The following ZER1 variants were observed in gnomAD, a reference collection of about 807,000 sequenced individuals.
ZER1 encodes the protein zyg-11 related cell cycle regulator, also known as protein zer-1 homolog.
Under a neutral mutation model 78.8 loss-of-function variants are expected in ZER1, and 11 were observed. The observed-to-expected ratio is 0.14, with a 90% confidence interval of 0.09 to 0.23. The LOEUF (loss-of-function observed/expected upper bound fraction) is 0.23, where lower values mean the gene tolerates loss of function less well. Ranked by LOEUF, ZER1 falls within the 10% of genes least tolerant of loss-of-function variation. The pLI is 1.00. For synonymous variants in ZER1, 400 were observed against 407.0 expected (o/e 0.98, Z 0.21); for missense variants, 588 against 996.9 (o/e 0.59, Z 5.52).
chr9:128,734,144 A>AAAAATATATATATATATATATAC lies in ZER1; in HGVS notation c.2141-617_2141-616insGTATATATATATATATATATTTT. Reference sequence around the variant, plus strand: ...CTCCGTCTCAAAAAAAAAAAAAAAAAATATATATATATATATATAAAATCT... The same window carrying AAAAATATATATATATATATATAC: ...CTCCGTCTCAAAAAAAAAAAAAAAAAAAAATATATATATATATATATACATATATATATATATATATAAAATCT... On this transcript the variant is annotated intron_variant, in intron 14 of 15. Transcript: ENST00000291900. Among the ~76,000 whole-genome samples, 3 of 14,442 alleles carry AAAAATATATATATATATATATAC rather than the reference A, an allele frequency of 2.1e-4. 1 individual carries two copies. The East Asian group carries it at 0.012, about 58-fold the overall frequency. The allele number at this position is 14,442 out of a possible 152,430, so 9.5% of individuals were successfully genotyped here.
chr9:128,737,004 C>T (rs926028632), intron 13 of ZER1, among the ~76,000 whole-genome samples: 5 of 151,922 alleles, frequency 3.3e-5, no homozygotes, highest in African/African-American at 1.2e-4. Context: ...ATTAGTTGAG[C>T]ATGGTAACGT....
chr9:128,762,285 CTG>C (rs1864076738), intron 1 of ZER1, among the ~76,000 whole-genome samples: 1 of 152,158 alleles, frequency 6.6e-6, no homozygotes, highest in Non-Finnish European at 1.5e-5. Flanking sequence ...GAGCCTCCCT[CTG>C]TGCCCATTTG....
In ZER1 at chr9:128,754,517, G is replaced by A. The variant is rs139297824; in HGVS notation, c.159-558C>T. Among the ~76,000 whole-genome samples, 106 of 152,212 alleles carry A rather than the reference G, an allele frequency of 7.0e-4. No homozygotes were observed. Among genetic ancestry groups the A allele is most frequent in the African/African-American group, 2.3e-3 (97 of 41,546 alleles). ...AGTAAATGAACTTTCCCAGACCTCA[G>A]TTTCTTCATCTGTAAAGTGGATATA... On this transcript the variant is annotated intron_variant, in intron 2 of 15. Transcript: ENST00000291900. This position sits in a 1 kb window ranked among gnomAD's most constrained non-coding sequence, Gnocchi z 4.3.
intron 10 of ZER1, 46 bp downstream of exon 10, chr9:128,741,754 G>A: frequency 6.2e-7 from 1 of 1,614,134 alleles, no homozygotes; most frequent in Middle Eastern, 1.7e-4. Flanking sequence ...CAGGCCCCTT[G>A]CGAGGTGGGG....
chr9:128,751,028 G>A lies in ZER1; in HGVS notation c.1185+94C>T. On this transcript the variant is annotated intron_variant, in intron 7 of 15. Transcript: ENST00000291900. This position sits in a 1 kb window ranked among gnomAD's most constrained non-coding sequence, Gnocchi z 5.4. ...CCTGGGGCCCTGGGGACAGGGTGCAGAAGGACACAGGCTCTGGGGACACGG... is the reference window on the plus strand; with the variant it reads ...CCTGGGGCCCTGGGGACAGGGTGCAAAAGGACACAGGCTCTGGGGACACGG... 6.7e-7 allele frequency: 1 copy of A among 1,492,992 alleles called. No homozygotes were observed. Among genetic ancestry groups the A allele is most frequent in the Non-Finnish European group, 8.9e-7 (1 of 1,122,590 alleles). 92.5% of individuals were successfully genotyped at this position (1,492,992 alleles called of 1,614,324 possible). A position where few individuals can be genotyped will look rare whatever the true frequency, so the allele number is the denominator to read the frequency against.
intron 8 of ZER1, among the ~76,000 whole-genome samples, chr9:128,743,419 TTTTA>T (rs888272074): frequency 3.9e-5 from 6 of 152,010 alleles, no homozygotes; most frequent in African/African-American, 1.4e-4. Context: ...CCCAGCCTTC[TTTTA>T]TTTATTTATT....
At chr9:128,734,344 G>A (rs764704231) in intron 14 of ZER1, among the ~76,000 whole-genome samples, 5 of 148,816 alleles carry the variant, frequency 3.4e-5, no homozygotes, top group Admixed American at 6.8e-5. Context: ...CTACAGGCAC[G>A]TGCCATCAAG....
intron 1 of ZER1, among the ~76,000 whole-genome samples, chr9:128,759,148 C>T (rs943601319): frequency 6.6e-6 from 1 of 151,830 alleles, no homozygotes; most frequent in African/African-American, 2.4e-5. Flanking sequence ...AGGCATGGGC[C>T]ACCGCGCCCA....
At position 128,734,493 on chromosome 9, in the gene ZER1, G is replaced by A. The variant is rs986474758; in HGVS notation, c.2140+841C>T. ...ATTACAGGCATGAGCCACTGCACCCGGACTAATTTTTTTTTTTTTAAGTAG... is the reference window on the plus strand; with the variant it reads ...ATTACAGGCATGAGCCACTGCACCCAGACTAATTTTTTTTTTTTTAAGTAG... On this transcript the variant is annotated intron_variant, in intron 14 of 15. Coordinates refer to ENST00000291900, the MANE Select transcript of ZER1 (RefSeq NM_006336.4). Among the ~76,000 whole-genome samples the A allele has an allele frequency of 5.9e-5, 9 of 151,428 alleles. No homozygotes were observed. The Middle Eastern group carries it at 0.01, about 172-fold the overall frequency.
At chr9:128,767,675 G>C (rs142033229) in intron 1 of ZER1, among the ~76,000 whole-genome samples, 1 of 152,288 alleles carries the variant, frequency 6.6e-6, no homozygotes, top group African/African-American at 2.4e-5. Context: ...CGAGCCCCTT[G>C]CCATTATGCT....
Position 128,735,779 on chromosome 9 carries a change from T to G in ZER1, c.2043-348A>C, listed in dbSNP as rs1210814351. ...TGACCTGGTTTTTTTTTTTTTTTTT[T>G]TTTTTTTTTTTTTTGTGAGACGGAG... On this transcript the variant is annotated intron_variant, in intron 13 of 15. Coordinates refer to ENST00000291900, the MANE Select transcript of ZER1 (RefSeq NM_006336.4). Among the ~76,000 whole-genome samples, 23 of 136,260 alleles carry G rather than the reference T, an allele frequency of 1.7e-4. 1 individual carries two copies. The highest frequency in any genetic ancestry group is 1.3e-3 in the South Asian group (5 of 3,974). 89.4% of individuals were successfully genotyped at this position (136,260 alleles called of 152,430 possible).
intron 1 of ZER1, among the ~76,000 whole-genome samples, chr9:128,766,524 T>C (rs916927996): frequency 2.6e-5 from 4 of 152,036 alleles, no homozygotes; most frequent in African/African-American, 9.7e-5. Context: ...CAGACAGATA[T>C]GTACACAGGT....
intron 1 of ZER1, among the ~76,000 whole-genome samples, chr9:128,756,359 T>C (rs1001065970): frequency 1.3e-5 from 2 of 152,058 alleles, no homozygotes; most frequent in Non-Finnish European, 2.9e-5. Context: ...GGCAGGAGAA[T>C]GGCGGAGTGC....
At chr9:128,763,299 G>A (rs578036961) in intron 1 of ZER1, among the ~76,000 whole-genome samples, 105 of 152,178 alleles carry the variant, frequency 6.9e-4, no homozygotes, top group Non-Finnish European at 1.3e-3. Context: ...GGGAAGCCAT[G>A]CTTAACCCAC....
rs1161747481 is a variant in ZER1 at position 128,754,555 on chromosome 9, A to G, written c.159-596T>C. On this transcript the variant is annotated intron_variant, in intron 2 of 15. Transcript: ENST00000291900. The surrounding 1 kb of genome is among the most constrained non-coding windows in gnomAD (Gnocchi z 4.3). ...TAAAGTGGATATAACTATGGCCTGC[A>G]AAGTGTCCAACCTAAAGCCTGACCC... is the stretch of plus-strand genomic sequence containing the variant. Among the ~76,000 whole-genome samples, 1 of 152,196 alleles carries G rather than the reference A, an allele frequency of 6.6e-6. No individual in the cohort carries two copies. The highest frequency in any genetic ancestry group is 1.9e-4 in the East Asian group (1 of 5,198).
At position 128,731,068 on chromosome 9, in the gene ZER1, A is replaced by G. The variant is rs560465317; in HGVS notation, c.*269T>C. The G allele has an allele frequency of 4.4e-4, 76 of 172,486 alleles. No homozygotes were observed. The highest frequency in any genetic ancestry group is 2.2e-3 in the South Asian group (11 of 5,074). The allele number at this position is 172,486 out of a possible 1,614,324, so 10.7% of individuals were successfully genotyped here. On this transcript the variant is annotated 3_prime_UTR_variant, in exon 16 of 16. Coordinates refer to ENST00000291900, the MANE Select transcript of ZER1 (RefSeq NM_006336.4). ...GAGTGGGTTTGAGAATGGCCAAGGA[A>G]GCTGCAAGGACTCAGGAGTGTTGCT...
chr9:128,761,249 C>T (rs954424427), intron 1 of ZER1, among the ~76,000 whole-genome samples: 6 of 152,024 alleles, frequency 3.9e-5, no homozygotes, highest in African/African-American at 1.2e-4. Flanking sequence ...TGCTTAGTCC[C>T]AGCCCAACAG....
intron 14 of ZER1, 152 bp from the exon 15 acceptor site, chr9:128,733,680 C>A: frequency 1.6e-6 from 1 of 629,842 alleles, no homozygotes. Flanking sequence ...GGGGGCAAGA[C>A]GTGGGCCCAG....
chr9:128,737,209 C>T lies in ZER1; in HGVS notation c.2043-1778G>A, dbSNP rs1219298871. ...ATATTGCCCAGGCTGGTTTCAAACT[C>T]CTGAGCTCAAGTGATCTTCCTGCCT... On this transcript the variant is annotated intron_variant, in intron 13 of 15. Coordinates refer to ENST00000291900, the MANE Select transcript of ZER1 (RefSeq NM_006336.4). 2.6e-5 allele frequency among the ~76,000 whole-genome samples: 4 copies of T among 151,466 alleles called. No individual in the cohort carries two copies. In the East Asian group the frequency reaches 7.9e-4, roughly 30 times the overall value.
Sources: gnomAD v4.1 joint callset for allele counts (sites outside exome capture counted in the v4.1 genomes callset) on GRCh38, gnomAD v4.1.1 for gene constraint, Gnocchi (gnomAD v3.1) non-coding constraint, MANE v1.5 for transcripts, NCBI Gene and HGNC (gene_info 2026-07-23, HGNC 2026-07-21) for gene names.